HDAC7: variants seen among roughly 807,000 people sequenced by gnomAD.
The protein encoded by HDAC7 is histone deacetylase 7.
Under a neutral mutation model 115.5 loss-of-function variants are expected in HDAC7, and 26 were observed. The observed-to-expected ratio is 0.23, with a 90% CI of 0.16 to 0.31. The LOEUF (loss-of-function observed/expected upper bound fraction) is 0.31. Among genes scored for constraint, HDAC7 ranks in the 10% least tolerant of loss-of-function variants. The probability of loss-of-function intolerance (pLI) is 1.00; values close to 1 mark genes in which losing one functional copy is unlikely to be tolerated. For synonymous variants in HDAC7, 564 were observed against 550.9 expected (o/e 1.02, Z -0.33); for missense variants, 1,068 against 1,329.0 (o/e 0.80, Z 3.05).
rs771872415 is a variant in HDAC7, at chr12:47,786,614, G to T, written c.2543C>A (p.Pro848Gln). The T allele has an allele frequency of 1.9e-6, 3 of 1,613,344 alleles. No individual in the cohort carries two copies. The highest frequency in any genetic ancestry group is 2.5e-6 in the Non-Finnish European group (3 of 1,179,362). ...GFDAAEGHPA[P>Q]LGGYHVSAKC... ...GGCAGAAACATGGTAGCCACCCAGTGGGGCCGGGTGACCCTCAGCAGCATC... is the reference window on the plus strand; with the variant it reads ...GGCAGAAACATGGTAGCCACCCAGTTGGGCCGGGTGACCCTCAGCAGCATC... The change falls in exon 22 of 26, where the codon CCA becomes CAA. Residue 848 changes from proline to glutamine, a missense_variant. Physicochemically the swap from Pro to Gln is moderately conservative, Grantham distance 76. Around this residue, in one of 6 missense-constraint regions of HDAC7, gnomAD observed 182 missense variants for 301.1 expected, o/e 0.60. Transcript: ENST00000080059.
intron 2 of HDAC7, among the ~76,000 whole-genome samples, chr12:47,800,142 T>G (rs905431253): frequency 6.6e-6 from 1 of 152,192 alleles, no homozygotes; most frequent in Non-Finnish European, 1.5e-5. Flanking sequence ...CACTTGTGCA[T>G]GAGCAGCTAC....
chr12:47,789,240 G>A (rs757819245), intron 19 of HDAC7, 21 bp downstream of exon 19: 1 of 1,588,014 alleles, frequency 6.3e-7, no homozygotes, highest in South Asian at 1.1e-5. Flanking sequence ...GAATTGGAGG[G>A]TGCTACGGAC....
rs1336367135 is a variant in HDAC7, at chr12:47,797,410, G to C, written c.551C>G (p.Pro184Arg). The C allele has an allele frequency of 1.2e-6, 2 of 1,614,010 alleles. No individual in the cohort carries two copies. The highest frequency in any genetic ancestry group is 1.7e-5 in the Admixed American group (1 of 60,018). The change falls in exon 6 of 26, where the codon CCA becomes CGA. Residue 184 changes from proline (P) to arginine (R), a missense_variant. Pro to Arg is a moderately radical substitution (Grantham distance 103). Around this residue, in one of 6 missense-constraint regions of HDAC7, gnomAD observed 618 missense variants for 701.5 expected, o/e 0.88. Coordinates refer to ENST00000080059, the MANE Select transcript of HDAC7 (RefSeq NM_015401.5). This position sits in a 1 kb window ranked among gnomAD's most constrained non-coding sequence, Gnocchi z 5.5. Reference sequence around the variant, plus strand: ...TGTCTTGCGCAGAGGGAAGTGCTCTGGGGGGTCACTGGGCAGGCTGGGAAC... The same window carrying C: ...TGTCTTGCGCAGAGGGAAGTGCTCTCGGGGGTCACTGGGCAGGCTGGGAAC... ...PPVPSLPSDP[P>R]EHFPLRKTVS...
intron 19 of HDAC7, chr12:47,788,723 ACATAG>A (rs144036399): frequency 0.054 from 8,431 of 155,094 alleles, 324 homozygotes; most frequent in South Asian, 0.13. Context: ...TGCAGAAGGG[ACATAG>A]CTTAGCAGTT....
chr12:47,810,888 A>G (rs2137054128), intron 1 of HDAC7, among the ~76,000 whole-genome samples: 1 of 151,306 alleles, frequency 6.6e-6, no homozygotes, highest in African/African-American at 2.4e-5. Flanking sequence ...GGCCTTGGGC[A>G]GGTGGAAGCG....
At chr12:47,800,861 G>A (rs1944133263) in intron 2 of HDAC7, among the ~76,000 whole-genome samples, 1 of 152,238 alleles carries the variant, frequency 6.6e-6, no homozygotes, top group South Asian at 2.1e-4. Flanking sequence ...GGCTCTGCCT[G>A]GAGCCCTGGA....
intron 1 of HDAC7, among the ~76,000 whole-genome samples, chr12:47,812,460 G>A (rs1944708688): frequency 6.6e-6 from 1 of 152,200 alleles, no homozygotes; most frequent in Non-Finnish European, 1.5e-5. Context: ...CAGGCACAGA[G>A]CTAACTTTAT....
chr12:47,784,036 CGGT>C, intron 25 of HDAC7, 40 bp downstream of exon 25: 1 of 1,607,062 alleles, frequency 6.2e-7, no homozygotes, highest in South Asian at 1.1e-5. Flanking sequence ...AGGAATGAAG[CGGT>C]GGAGAGGCTG....
At position 47,802,288 on chromosome 12, in the gene HDAC7, G is replaced by A. The variant is rs1944205505; in HGVS notation, c.20-14C>T. On this transcript the variant is annotated splice_polypyrimidine_tract_variant and intron_variant, in intron 1 of 25. Coordinates refer to ENST00000080059, the MANE Select transcript of HDAC7 (RefSeq NM_015401.5). ...CCTGGGTCCCATCTGTAGAGAGAGA[G>A]ACGGAGTGAAAGAGCTGCAGGGAGG... The A allele has an allele frequency of 6.2e-7, 1 of 1,613,378 alleles. No homozygotes were observed. The highest frequency in any genetic ancestry group is 1.1e-5 in the South Asian group (1 of 91,026).
intron 24 of HDAC7, chr12:47,785,184 G>T (rs756375530): frequency 5.2e-6 from 3 of 573,774 alleles, no homozygotes; most frequent in Non-Finnish European, 9.2e-6. Flanking sequence ...GGCCCTGCTG[G>T]CTCCATCGGG....
At chr12:47,792,681 A>C (rs779244879) in intron 13 of HDAC7, 1 of 456,030 alleles carries the variant, frequency 2.2e-6, no homozygotes, top group South Asian at 1.5e-5. Context: ...TTGGGAAATA[A>C]TCCCAAGCAT....
chr12:47,820,909 C>G (rs76173709), upstream of HDAC7, among the ~76,000 whole-genome samples: 191 of 152,296 alleles, frequency 1.3e-3, 4 homozygotes, highest in East Asian at 0.032. This position sits in a 1 kb window ranked among gnomAD's most constrained non-coding sequence, Gnocchi z 4.3. Flanking sequence ...CCTGCCTCTC[C>G]CTCCGCTTTT....
chr12:47,797,292 C>A lies in HDAC7; in HGVS notation c.577+92G>T. 1.1e-6 allele frequency: 1 copy of A among 917,988 alleles called. No individual in the cohort carries two copies. The highest frequency in any genetic ancestry group is 1.6e-6 in the Non-Finnish European group (1 of 607,272). 56.9% of individuals were successfully genotyped at this position (917,988 alleles called of 1,614,324 possible). ...GCCTACCGATGATCTCCTGGCCCAG[C>A]CCAGCCCGCCCACCCCTGCACACTC... On this transcript the variant is annotated intron_variant, in intron 6 of 25. Coordinates refer to ENST00000080059, the MANE Select transcript of HDAC7 (RefSeq NM_015401.5). This position sits in a 1 kb window ranked among gnomAD's most constrained non-coding sequence, Gnocchi z 5.5.
At chr12:47,784,304 C>A in intron 24 of HDAC7, 87 bp from the exon 25 acceptor site, 1 of 1,416,892 alleles carries the variant, frequency 7.1e-7, no homozygotes, top group South Asian at 1.4e-5. Flanking sequence ...GTTGGTGTCT[C>A]AGGCCCAGGG....
chr12:47,786,491 G>T, intron 22 of HDAC7, 94 bp downstream of exon 22: 2 of 876,562 alleles, frequency 2.3e-6, no homozygotes, highest in Non-Finnish European at 3.8e-6. Context: ...GCTGGCCACT[G>T]CCACCTTCCC....
Position 47,789,179 on chromosome 12 carries a change from A to G in HDAC7, c.2235+82T>C, listed in dbSNP as rs1329064952. The G allele has an allele frequency of 6.5e-6, 7 of 1,085,100 alleles. No individual in the cohort carries two copies. In the African/African-American group the frequency reaches 9.3e-5, roughly 14 times the overall value. The allele number at this position is 1,085,100 out of a possible 1,614,324, so 67.2% of individuals were successfully genotyped here. On this transcript the variant is annotated intron_variant, in intron 19 of 25. Transcript: ENST00000080059. Reference sequence around the variant, plus strand: ...AGAGAGGCTACTGCAGAACTAAGACATGAAGCCGCATCTCTAACATCAGGC... The same window carrying G: ...AGAGAGGCTACTGCAGAACTAAGACGTGAAGCCGCATCTCTAACATCAGGC...
chr12:47,795,781 G>T lies in HDAC7; in HGVS notation c.907-14C>A. The T allele has an allele frequency of 1.3e-6, 2 of 1,521,794 alleles. No individual in the cohort carries two copies. The highest frequency in any genetic ancestry group is 1.3e-5 in the South Asian group (1 of 79,064). The allele number at this position is 1,521,794 out of a possible 1,614,324, so 94.3% of individuals were successfully genotyped here. On this transcript the variant is annotated splice_polypyrimidine_tract_variant and intron_variant, in intron 9 of 25. Transcript: ENST00000080059. The surrounding 1 kb of genome is among the most constrained non-coding windows in gnomAD (Gnocchi z 4.3). ...GTCACTGTCAGCCTGGGGGAGAGGC[G>T]GGAGAAGTCACGGGGAAGAAGATTC...
Position 47,798,535 on chromosome 12 carries a change from G to T in HDAC7, c.349+27C>A. 1 of 1,605,124 alleles carries T rather than the reference G, an allele frequency of 6.2e-7. No homozygotes were observed. Among genetic ancestry groups the T allele is most frequent in the South Asian group, 1.1e-5 (1 of 90,834 alleles). ...GCAGGCACCTGGCTGGTGGGGCTGG[G>T]CTGGGCTGGGGTGGCCACCTCCTTA... On this transcript the variant is annotated intron_variant, in intron 4 of 25. Coordinates refer to ENST00000080059, the MANE Select transcript of HDAC7 (RefSeq NM_015401.5). The surrounding 1 kb of genome is among the most constrained non-coding windows in gnomAD (Gnocchi z 4.3).
chr12:47,802,587 G>A (rs1368750667), intron 1 of HDAC7: 1 of 997,810 alleles, frequency 1.0e-6, no homozygotes, highest in Non-Finnish European at 1.5e-6. Flanking sequence ...CCTCCCTCCT[G>A]TGGTCAGATA....
Sources: allele counts gnomAD v4.1 joint callset (sites outside exome capture counted in the v4.1 genomes callset), GRCh38; gene constraint gnomAD v4.1.1; regional missense constraint gnomAD v4.1.1; non-coding constraint Gnocchi (gnomAD v3.1); transcripts MANE v1.5; gene names NCBI Gene and HGNC (gene_info 2026-07-23, HGNC 2026-07-21).